DNAI4: variants seen among roughly 807,000 people sequenced by gnomAD.
DNAI4 encodes the protein WD repeat domain 78.
DNAI4 carries 85 observed loss-of-function variants against 105.8 expected under a neutral mutation model. The ratio of observed to expected loss-of-function variants is 0.80; its 90% CI spans 0.67 to 0.96. The LOEUF (loss-of-function observed/expected upper bound fraction) is 0.96. DNAI4 is among the 40% of genes least tolerant of loss of function. The pLI is 0.00. For missense variants in DNAI4, 1,014 were observed against 1,005.6 expected (o/e 1.01, Z -0.11); for synonymous variants, 352 against 331.5 (o/e 1.06, Z -0.67).
chr1:66,860,814 G>GT (rs1557934236), intron 7 of DNAI4: 1 of 152,106 alleles, frequency 6.6e-6, no homozygotes, highest in African/African-American at 2.4e-5. Flanking sequence ...GTTCTGAGCA[G>GT]TTTTTGATAG....
Position 66,827,125 on chromosome 1 carries a change from C to T in DNAI4, c.2113-79G>A, listed in dbSNP as rs1199501118. On this transcript the variant is annotated intron_variant, in intron 14 of 16. Transcript: ENST00000371026. ...AAACTTGACCAGCAAATTAAAAATG[C>T]TAAGATTTCTAGATTTTCACACTAT... 1.1e-5 allele frequency: 14 copies of T among 1,230,084 alleles called. No homozygotes were observed. In the African/African-American group the frequency reaches 1.2e-4, roughly 11 times the overall value. The allele number at this position is 1,230,084 out of a possible 1,614,324, so 76.2% of individuals were successfully genotyped here. A position where few individuals can be genotyped will look rare whatever the true frequency, so the allele number is the denominator to read the frequency against.
intron 11 of DNAI4, among the ~76,000 whole-genome samples, chr1:66,835,040 T>A (rs1645950595): frequency 6.6e-6 from 1 of 152,138 alleles, no homozygotes; most frequent in African/African-American, 2.4e-5. Context: ...CCTCTAACTT[T>A]TTGGCTTTCC....
intron 2 of DNAI4, among the ~76,000 whole-genome samples, chr1:66,902,900 G>A (rs1017262804): frequency 3.9e-5 from 6 of 152,148 alleles, no homozygotes; most frequent in Non-Finnish European, 8.8e-5. Flanking sequence ...GGTCTATACC[G>A]TATGTTTGTT....
At chr1:66,825,273 G>T in intron 15 of DNAI4, among the ~76,000 whole-genome samples, 2 of 146,286 alleles carry the variant, frequency 1.4e-5, no homozygotes, top group Admixed American at 1.4e-4. Flanking sequence ...TCCGCTTCCC[G>T]GGTTCACGCC....
At chr1:66,832,267 C>T (rs1346584113) in intron 13 of DNAI4, among the ~76,000 whole-genome samples, 1 of 152,152 alleles carries the variant, frequency 6.6e-6, no homozygotes, top group Non-Finnish European at 1.5e-5. Flanking sequence ...TTAGCAATAG[C>T]AGGCTTGGGC....
At chr1:66,893,164 T>G (rs574188427) in intron 3 of DNAI4, 65 bp downstream of exon 3, 2 of 885,454 alleles carry the variant, frequency 2.3e-6, no homozygotes, top group South Asian at 8.6e-5. Flanking sequence ...GATACACATT[T>G]GCAATTTAAA....
chr1:66,867,010 T>C (rs1024049377), intron 6 of DNAI4, among the ~76,000 whole-genome samples: 21 of 152,000 alleles, frequency 1.4e-4, no homozygotes, highest in African/African-American at 4.6e-4. Flanking sequence ...AACCATCAGA[T>C]CTCATGAGAA....
intron 7 of DNAI4, chr1:66,847,888 T>C: frequency 1.9e-6 from 1 of 513,496 alleles, no homozygotes; most frequent in Non-Finnish European, 3.4e-6. Flanking sequence ...AAAACTGTAC[T>C]ATTTTTCAGA....
Position 66,890,825 on chromosome 1 carries a change from GAGGAAGAGGAAGAAA to G in DNAI4, c.643+314_643+328del, listed in dbSNP as rs1402932608. The G allele has an allele frequency of 1.7e-5, 6 of 343,086 alleles. No homozygotes were observed. The East Asian group carries it at 3.4e-4, about 20-fold the overall frequency. The allele number at this position is 343,086 out of a possible 1,614,324, so 21.3% of individuals were successfully genotyped here. A position where few individuals can be genotyped will look rare whatever the true frequency, so the allele number is the denominator to read the frequency against. ...GAAGAAGAGGAAAAGAAGAGGAAAA[GAGGAAGAGGAAGAAA>G]AGGAAGAGGAAGAAGAAGAGGAAGA... On this transcript the variant is annotated intron_variant, in intron 4 of 16. Coordinates refer to ENST00000371026, the MANE Select transcript of DNAI4 (RefSeq NM_024763.5). The surrounding 1 kb of genome is among the most constrained non-coding windows in gnomAD (Gnocchi z 4.1).
chr1:66,859,593 C>T (rs1415853162), intron 7 of DNAI4, among the ~76,000 whole-genome samples: 1 of 152,124 alleles, frequency 6.6e-6, no homozygotes, highest in Non-Finnish European at 1.5e-5. Context: ...GTGGTACACT[C>T]ATCCAATGGA....
chr1:66,876,612 G>A (rs1646964262), intron 4 of DNAI4, among the ~76,000 whole-genome samples: 1 of 151,992 alleles, frequency 6.6e-6, no homozygotes, highest in South Asian at 2.1e-4. Flanking sequence ...TTTCCTAAAT[G>A]TTGCTTGAAT....
intron 2 of DNAI4, among the ~76,000 whole-genome samples, chr1:66,903,536 A>G (rs900145797): frequency 6.6e-6 from 1 of 152,098 alleles, no homozygotes; most frequent in Non-Finnish European, 1.5e-5. Flanking sequence ...TCTGTTCCTC[A>G]AGCTGGAGTA....
chr1:66,821,485 G>A (rs1026642637), intron 16 of DNAI4, among the ~76,000 whole-genome samples: 1 of 152,132 alleles, frequency 6.6e-6, no homozygotes, highest in Non-Finnish European at 1.5e-5. Context: ...CCACCAGTAT[G>A]AGAGGACTCA....
intron 1 of DNAI4, among the ~76,000 whole-genome samples, chr1:66,909,529 T>G (rs1410745327): frequency 6.6e-6 from 1 of 152,018 alleles, no homozygotes; most frequent in Non-Finnish European, 1.5e-5. Context: ...CTCTCTTTGC[T>G]TGGTTTTCCT....
intron 4 of DNAI4, among the ~76,000 whole-genome samples, chr1:66,886,659 G>A (rs1647210301): frequency 6.6e-6 from 1 of 152,174 alleles, no homozygotes; most frequent in Admixed American, 6.5e-5. Flanking sequence ...GGTAGTAAGT[G>A]TGGAGAAGGG....
intron 9 of DNAI4, among the ~76,000 whole-genome samples, chr1:66,838,490 A>C (rs1186916567): frequency 6.6e-6 from 1 of 152,206 alleles, no homozygotes. Flanking sequence ...GCTGTTCTTT[A>C]AGACACCCAG....
At chr1:66,865,901 G>A (rs1444059758) in intron 6 of DNAI4, among the ~76,000 whole-genome samples, 1 of 152,168 alleles carries the variant, frequency 6.6e-6, no homozygotes, top group Non-Finnish European at 1.5e-5. Context: ...AAAAAGGGAG[G>A]AGTAAGTTTT....
chr1:66,835,162 T>C (rs1645954217), intron 11 of DNAI4, among the ~76,000 whole-genome samples: 1 of 151,992 alleles, frequency 6.6e-6, no homozygotes, highest in Non-Finnish European at 1.5e-5. Context: ...GATTCAATCC[T>C]TGCTCTCAAG....
At chr1:66,856,521 G>T (rs573643829) in intron 7 of DNAI4, among the ~76,000 whole-genome samples, 1 of 151,426 alleles carries the variant, frequency 6.6e-6, no homozygotes, top group Non-Finnish European at 1.5e-5. Flanking sequence ...ATAGTTAATC[G>T]ATTATCAACA....
Sources: allele counts gnomAD v4.1 joint callset (sites outside exome capture counted in the v4.1 genomes callset), GRCh38; gene constraint gnomAD v4.1.1; non-coding constraint Gnocchi (gnomAD v3.1); transcripts MANE v1.5; gene names NCBI Gene and HGNC (gene_info 2026-07-23, HGNC 2026-07-21).